Variants in FOXP2 observed in about 807,000 individuals in gnomAD.
The protein encoded by FOXP2 is forkhead box P2.
FOXP2 carries 12 observed loss-of-function variants against 115.8 expected under a neutral mutation model. That is an observed-to-expected ratio of 0.10 (90% confidence interval 0.07 to 0.17). The LOEUF (loss-of-function observed/expected upper bound fraction) is 0.17, where lower values mean the gene tolerates loss of function less well. Among genes scored for constraint, FOXP2 ranks in the 10% least tolerant of loss-of-function variants. The pLI is 1.00. For synonymous variants in FOXP2, 328 were observed against 297.7 expected (o/e 1.10, Z -1.05); for missense variants, 629 against 843.5 (o/e 0.75, Z 3.15).
chr7:114,475,842 T>C (rs1352257282), intron 2 of FOXP2, among the ~76,000 whole-genome samples: 1 of 151,918 alleles, frequency 6.6e-6, no homozygotes, highest in Admixed American at 6.6e-5. Flanking sequence ...TAAATAGATA[T>C]AGATATTGAC....
intron 1 of FOXP2, among the ~76,000 whole-genome samples, chr7:114,101,899 TTGTGTGTGTG>T (rs5886693): frequency 3.4e-4 from 49 of 142,516 alleles, no homozygotes; most frequent in East Asian, 4.2e-4. Flanking sequence ...CTTCAACATT[TTGTGTGTGTG>T]TGTGTGTGTG....
At chr7:114,171,541 C>T (rs1793139863) in intron 1 of FOXP2, among the ~76,000 whole-genome samples, 1 of 152,134 alleles carries the variant, frequency 6.6e-6, no homozygotes, top group South Asian at 2.1e-4. Flanking sequence ...ACTACTACAG[C>T]AGCCTTGGTG....
Position 114,662,172 on chromosome 7 carries a change from A to G in FOXP2, c.1755A>G (p.Ser585=). ...VDEVEYQKRR[S]QKITGSPTLV... Reference sequence around the variant, plus strand: ...AAGTAGAATACCAGAAGCGAAGGTCACAAAAGATAACAGGGTATGTTTGTG... The same window carrying G: ...AAGTAGAATACCAGAAGCGAAGGTCGCAAAAGATAACAGGGTATGTTTGTG... The change falls in exon 14 of 17, where the codon TCA becomes TCG. Residue 585 remains serine (S), a synonymous_variant. Coordinates refer to ENST00000350908, the MANE Select transcript of FOXP2 (RefSeq NM_014491.4). 1 of 1,612,742 alleles carries G rather than the reference A, an allele frequency of 6.2e-7. No homozygotes were observed. Among genetic ancestry groups the G allele is most frequent in the Non-Finnish European group, 8.5e-7 (1 of 1,179,034 alleles).
chr7:114,687,588 G>T (rs1287042372), intron 16 of FOXP2, among the ~76,000 whole-genome samples: 1 of 152,204 alleles, frequency 6.6e-6, no homozygotes, highest in Non-Finnish European at 1.5e-5. Context: ...TGTAAGCTAT[G>T]TTTTTCACAT....
intron 16 of FOXP2, among the ~76,000 whole-genome samples, chr7:114,671,999 T>A (rs796395800): frequency 1.6e-4 from 25 of 152,280 alleles, no homozygotes; most frequent in African/African-American, 5.5e-4. Flanking sequence ...CCATAGCCAG[T>A]TTCTATCATT....
intron 3 of FOXP2, among the ~76,000 whole-genome samples, chr7:114,579,992 TA>T (rs1001188184): frequency 3.3e-5 from 5 of 152,090 alleles, no homozygotes; most frequent in Non-Finnish European, 5.9e-5. Flanking sequence ...AGGTAAAGTT[TA>T]AAAAAAATCT....
intron 1 of FOXP2, among the ~76,000 whole-genome samples, chr7:114,134,677 C>G (rs1252045173): frequency 6.8e-6 from 1 of 146,570 alleles, no homozygotes; most frequent in Non-Finnish European, 1.5e-5. Flanking sequence ...CCCGCCACTG[C>G]ACTCCAGCCT....
At chr7:114,325,201 C>G (rs181353137) in intron 2 of FOXP2, among the ~76,000 whole-genome samples, 232 of 151,868 alleles carry the variant, frequency 1.5e-3, no homozygotes, top group Non-Finnish European at 2.2e-4. Context: ...GTAGGAGGAT[C>G]AAAACACTGG....
intron 2 of FOXP2, among the ~76,000 whole-genome samples, chr7:114,367,028 G>A (rs1341848678): frequency 6.6e-6 from 1 of 152,066 alleles, no homozygotes; most frequent in African/African-American, 2.4e-5. Flanking sequence ...TCAATATGTA[G>A]AGCATGTGCA....
chr7:114,676,760 A>G (rs1307501392), intron 16 of FOXP2, among the ~76,000 whole-genome samples: 1 of 152,204 alleles, frequency 6.6e-6, no homozygotes, highest in Non-Finnish European at 1.5e-5. Flanking sequence ...ATAATAAGAA[A>G]AGATGTAAGG....
intron 1 of FOXP2, among the ~76,000 whole-genome samples, chr7:114,234,805 T>A (rs1440652841): frequency 6.6e-6 from 1 of 152,180 alleles, no homozygotes; most frequent in Non-Finnish European, 1.5e-5. Context: ...TTTTTTCAGC[T>A]CCTTGACCTC....
chr7:114,173,282 A>G (rs1373463839), intron 1 of FOXP2, among the ~76,000 whole-genome samples: 1 of 151,934 alleles, frequency 6.6e-6, no homozygotes, highest in Non-Finnish European at 1.5e-5. Flanking sequence ...CTTTGACGTG[A>G]AATTTTAAAA....
At chr7:114,355,497 T>C (rs1464765867) in intron 2 of FOXP2, among the ~76,000 whole-genome samples, 2 of 152,202 alleles carry the variant, frequency 1.3e-5, no homozygotes, top group Non-Finnish European at 2.9e-5. Flanking sequence ...TCAAGTGTAA[T>C]AGTTTCTCTG....
At chr7:114,427,711 A>G (rs1011284953) in intron 2 of FOXP2, among the ~76,000 whole-genome samples, 1 of 151,596 alleles carries the variant, frequency 6.6e-6, no homozygotes, top group African/African-American at 2.4e-5. Context: ...AGAAAAATAC[A>G]TCTCAAAAGT....
intron 1 of FOXP2, among the ~76,000 whole-genome samples, chr7:114,238,023 A>C (rs1795057071): frequency 6.6e-6 from 1 of 152,178 alleles, no homozygotes; most frequent in Non-Finnish European, 1.5e-5. Context: ...CAAAAAATCA[A>C]TTTTTATCTC....
chr7:114,574,213 A>G (rs1801462973), intron 3 of FOXP2, among the ~76,000 whole-genome samples: 1 of 151,824 alleles, frequency 6.6e-6, no homozygotes. Context: ...TTGAAGAAAT[A>G]TTTGGGCTCC....
chr7:114,410,097 C>T (rs761288329), upstream of FOXP2, among the ~76,000 whole-genome samples: 3 of 152,084 alleles, frequency 2.0e-5, no homozygotes, highest in Non-Finnish European at 4.4e-5. Flanking sequence ...CTGGGATCTT[C>T]GCCATATAGA....
rs113245266 is a variant in FOXP2, at chr7:114,281,765, T to G, written c.-101-6254T>G. On this transcript the variant is annotated intron_variant, in intron 1 of 17. Coordinates refer to the FOXP2 transcript ENST00000634411. Reference sequence around the variant, plus strand: ...TCTTGAATAAATATGTTTCAAACTGTACCCATAATGTCAGCAGGGTTAATT... The same window carrying G: ...TCTTGAATAAATATGTTTCAAACTGGACCCATAATGTCAGCAGGGTTAATT... 1.3e-3 allele frequency among the ~76,000 whole-genome samples: 194 copies of G among 152,344 alleles called. 1 individual carries two copies. The highest frequency in any genetic ancestry group is 4.3e-3 in the African/African-American group (180 of 41,592).
intron 3 of FOXP2, among the ~76,000 whole-genome samples, chr7:114,580,239 C>T (rs183561093): frequency 3.9e-5 from 6 of 152,246 alleles, no homozygotes; most frequent in Admixed American, 2.6e-4. Context: ...AACCAATCAT[C>T]GTCATCTTAA....
Sources: allele counts gnomAD v4.1 joint callset (sites outside exome capture counted in the v4.1 genomes callset), GRCh38; gene constraint gnomAD v4.1.1; transcripts MANE v1.5; gene names NCBI Gene and HGNC (gene_info 2026-07-23, HGNC 2026-07-21).